The following ELL2 variants were observed in gnomAD, a reference collection of about 807,000 sequenced individuals.
ELL2 encodes the protein RNA polymerase II elongation factor ELL2.
ELL2 carries 21 observed loss-of-function variants against 72.8 expected under a neutral mutation model. That is an observed-to-expected ratio of 0.29 (90% CI 0.20 to 0.42). The LOEUF (loss-of-function observed/expected upper bound fraction) is 0.42. ELL2 is among the 10% of genes least tolerant of loss of function. The probability of loss-of-function intolerance (pLI) is 1.00; values close to 1 mark genes in which losing one functional copy is unlikely to be tolerated. For synonymous variants in ELL2, 266 were observed against 283.2 expected, an observed-to-expected ratio of 0.94 and a Z score of 0.61; for missense variants, 568 against 772.8, an observed-to-expected ratio of 0.73 and a Z score of 3.14.
At chr5:95,928,010 A>C (rs939923351) in intron 2 of ELL2, among the ~76,000 whole-genome samples, 3 of 151,764 alleles carry the variant, frequency 2.0e-5, no homozygotes, top group Non-Finnish European at 4.4e-5. Flanking sequence ...TTGTAGCTTC[A>C]TGGCTAAAAA....
intron 2 of ELL2, among the ~76,000 whole-genome samples, chr5:95,933,445 G>T (rs1470710016): frequency 6.6e-6 from 1 of 152,160 alleles, no homozygotes; most frequent in South Asian, 2.1e-4. Context: ...CTATTTAAAA[G>T]CAACTTTTAT....
intron 2 of ELL2, among the ~76,000 whole-genome samples, chr5:95,936,415 T>G (rs908727314): frequency 6.6e-6 from 1 of 152,266 alleles, no homozygotes; most frequent in East Asian, 1.9e-4. Flanking sequence ...AAGTCCAGGT[T>G]TCCAAACCTC....
chr5:95,905,501 T>TCTC (rs35680288), intron 5 of ELL2, among the ~76,000 whole-genome samples: 56,480 of 151,584 alleles, frequency 0.37, 11,816 homozygotes, highest in African/African-American at 0.58. Flanking sequence ...TCATTTATTC[T>TCTC]CTTTCTTTTG....
intron 1 of ELL2, among the ~76,000 whole-genome samples, chr5:95,959,922 T>G (rs192731073): frequency 1.3e-5 from 2 of 152,178 alleles, no homozygotes; most frequent in East Asian, 3.9e-4. Flanking sequence ...ATCATGTGAG[T>G]TCATTTTCTA....
rs186117079 is a variant in ELL2, at chr5:95,918,994, C to T, written c.317+430G>A. 6.6e-5 allele frequency among the ~76,000 whole-genome samples: 10 copies of T among 151,088 alleles called. 1 individual carries two copies. The highest frequency in any genetic ancestry group is 6.0e-4 in the Admixed American group (9 of 15,076). ...TAAAAATCTACCTTCTACCTTAGAA[C>T]ATGGCTTGAACAGGGAAGAAGGAAG... On this transcript the variant is annotated intron_variant, in intron 3 of 11. Transcript: ENST00000237853.
chr5:95,889,215 G>T, intron 10 of ELL2, 85 bp from the exon 11 acceptor site: 2 of 1,064,030 alleles, frequency 1.9e-6, no homozygotes, highest in Non-Finnish European at 2.8e-6. Context: ...TTCAGCAAGA[G>T]TATAGGAAAT....
At chr5:95,950,325 A>C (rs1751326128) in intron 1 of ELL2, among the ~76,000 whole-genome samples, 1 of 152,126 alleles carries the variant, frequency 6.6e-6, no homozygotes, top group South Asian at 2.1e-4. Context: ...ACATCATCTG[A>C]TAGAGAACCC....
At chr5:95,938,447 G>A (rs913353389) in intron 2 of ELL2, among the ~76,000 whole-genome samples, 1 of 152,096 alleles carries the variant, frequency 6.6e-6, no homozygotes, top group African/African-American at 2.4e-5. Flanking sequence ...AATTAGGCCC[G>A]GTATGGTGCT....
intron 1 of ELL2, among the ~76,000 whole-genome samples, chr5:95,960,482 CCTAT>C (rs891181983): frequency 6.6e-6 from 1 of 151,922 alleles, no homozygotes; most frequent in African/African-American, 2.4e-5. Flanking sequence ...TGTATGTGCG[CCTAT>C]CTGAGCCTCT....
chr5:95,925,855 T>C (rs1175152141), intron 2 of ELL2, among the ~76,000 whole-genome samples: 1 of 152,224 alleles, frequency 6.6e-6, no homozygotes, highest in African/African-American at 2.4e-5. Flanking sequence ...CTTAATTTTA[T>C]CTAAAATCTA....
intron 1 of ELL2, among the ~76,000 whole-genome samples, chr5:95,957,086 A>G (rs1001161471): frequency 2.0e-5 from 3 of 152,212 alleles, no homozygotes; most frequent in African/African-American, 7.2e-5. Context: ...GTCAGCAAAC[A>G]TGGTAGTATT....
chr5:95,927,626 TAC>T (rs202057913), intron 2 of ELL2, among the ~76,000 whole-genome samples: 18 of 28,110 alleles, frequency 6.4e-4, no homozygotes, highest in African/African-American at 7.6e-4. Flanking sequence ...TATATAGACA[TAC>T]ACACACACGT....
At chr5:95,905,511 G>A (rs1749321749) in intron 5 of ELL2, among the ~76,000 whole-genome samples, 1 of 151,614 alleles carries the variant, frequency 6.6e-6, no homozygotes, top group South Asian at 2.1e-4. Context: ...TCTTTCTTTT[G>A]AGCTCTTAAA....
At chr5:95,910,690 A>G (rs527306335) in intron 4 of ELL2, among the ~76,000 whole-genome samples, 3 of 152,124 alleles carry the variant, frequency 2.0e-5, no homozygotes, top group Admixed American at 6.5e-5. Flanking sequence ...TCCCTAGTCT[A>G]GCTGTCAGCC....
chr5:95,926,846 C>A (rs1174010345), intron 2 of ELL2, among the ~76,000 whole-genome samples: 1 of 152,072 alleles, frequency 6.6e-6, no homozygotes, highest in Non-Finnish European at 1.5e-5. Flanking sequence ...TACAAATACA[C>A]AATAACATCG....
chr5:95,951,299 G>A (rs1156685291), intron 1 of ELL2, among the ~76,000 whole-genome samples: 2 of 152,018 alleles, frequency 1.3e-5, no homozygotes, highest in South Asian at 2.1e-4. Flanking sequence ...AACCCAGGAG[G>A]TGGAGCTTGC....
intron 2 of ELL2, among the ~76,000 whole-genome samples, chr5:95,934,789 A>G (rs765683568): frequency 2.0e-5 from 3 of 152,186 alleles, no homozygotes; most frequent in Non-Finnish European, 2.9e-5. Flanking sequence ...GTCTTGTCAT[A>G]TTTGAACTTG....
At chr5:95,931,368 A>T (rs1206479464) in intron 2 of ELL2, among the ~76,000 whole-genome samples, 1 of 152,194 alleles carries the variant, frequency 6.6e-6, no homozygotes, top group African/African-American at 2.4e-5. Context: ...CTTTGATAAT[A>T]CAAAGACAAT....
At chr5:95,930,403 A>G (rs1472480035) in intron 2 of ELL2, among the ~76,000 whole-genome samples, 3 of 152,218 alleles carry the variant, frequency 2.0e-5, no homozygotes, top group African/African-American at 2.4e-5. Context: ...CAAGGTTAAC[A>G]GAAGTCTCAA....
Sources: allele counts gnomAD v4.1 joint callset (sites outside exome capture counted in the v4.1 genomes callset), GRCh38; gene constraint gnomAD v4.1.1; transcripts MANE v1.5; gene names NCBI Gene and HGNC (gene_info 2026-07-23, HGNC 2026-07-21).